The following ROBO2 variants were observed in gnomAD, a reference collection of about 807,000 sequenced individuals.
ROBO2 encodes roundabout guidance receptor 2.
A neutral mutation model predicts 160.8 loss-of-function variants in ROBO2; 53 were observed. The observed-to-expected ratio is 0.33, with a 90% CI of 0.26 to 0.41. The LOEUF is 0.41. ROBO2 is among the 10% of genes least tolerant of loss of function. ROBO2 has a pLI of 1.00. For synonymous variants in ROBO2, 664 were observed against 611.7 expected (o/e 1.09, Z -1.26); for missense variants, 1,577 against 1,722.4 (o/e 0.92, Z 1.49).
intron 2 of ROBO2, among the ~76,000 whole-genome samples, chr3:76,209,140 C>T (rs377179857): frequency 3.0e-4 from 45 of 152,318 alleles, no homozygotes; most frequent in African/African-American, 1.1e-3. Flanking sequence ...CATGGCAAGG[C>T]ATGTGATCTT....
At chr3:76,241,444 A>G (rs1040646762) in intron 2 of ROBO2, among the ~76,000 whole-genome samples, 1 of 152,256 alleles carries the variant, frequency 6.6e-6, no homozygotes, top group African/African-American at 2.4e-5. Context: ...AGCAGAGAAC[A>G]GAACGGAGGA....
chr3:76,674,777 C>T (rs1231143996), intron 2 of ROBO2, among the ~76,000 whole-genome samples: 1 of 152,162 alleles, frequency 6.6e-6, no homozygotes, highest in Non-Finnish European at 1.5e-5. Flanking sequence ...AGGGGCTTCT[C>T]CAAGGTGGGC....
intron 2 of ROBO2, among the ~76,000 whole-genome samples, chr3:75,995,010 T>C (rs1400772847): frequency 1.3e-5 from 2 of 152,166 alleles, no homozygotes; most frequent in Non-Finnish European, 2.9e-5. Flanking sequence ...ATTTCAGATA[T>C]CTGGCAGAAG....
chr3:76,214,834 C>T (rs753904960), intron 2 of ROBO2, among the ~76,000 whole-genome samples: 28 of 152,234 alleles, frequency 1.8e-4, no homozygotes, highest in Non-Finnish European at 2.8e-4. Context: ...CAGCACGCAG[C>T]TGGAGATCTG....
At chr3:76,757,452 T>C (rs2061039541) in intron 2 of ROBO2, among the ~76,000 whole-genome samples, 1 of 151,850 alleles carries the variant, frequency 6.6e-6, no homozygotes, top group Non-Finnish European at 1.5e-5. Context: ...TTTCGTGTGG[T>C]CACTAAGTAA....
At chr3:76,865,943 T>A (rs2071328521) in intron 2 of ROBO2, among the ~76,000 whole-genome samples, 1 of 152,094 alleles carries the variant, frequency 6.6e-6, no homozygotes, top group Admixed American at 6.5e-5. Flanking sequence ...AATTTAGACA[T>A]AAAAATCGAG....
intron 1 of ROBO2, among the ~76,000 whole-genome samples, chr3:77,088,074 C>G (rs1230596223): frequency 1.3e-5 from 2 of 151,938 alleles, no homozygotes; most frequent in Non-Finnish European, 2.9e-5. Flanking sequence ...TGTGGGCAGC[C>G]AGGAAATTGA....
chr3:77,577,373 C>T, intron 14 of ROBO2, 117 bp from the exon 16 acceptor site: 1 of 1,288,290 alleles, frequency 7.8e-7, no homozygotes, highest in Non-Finnish European at 1.1e-6. Context: ...CGTGTGCATT[C>T]AGAACTCCTG....
At chr3:77,156,951 T>A (rs1057093861) in intron 2 of ROBO2, among the ~76,000 whole-genome samples, 7 of 151,934 alleles carry the variant, frequency 4.6e-5, no homozygotes, top group Non-Finnish European at 1.0e-4. Flanking sequence ...TCAATATCAC[T>A]CGGGAACTTG....
chr3:77,175,378 GC>G (rs1403996148), intron 2 of ROBO2, among the ~76,000 whole-genome samples: 1 of 151,996 alleles, frequency 6.6e-6, no homozygotes, highest in Non-Finnish European at 1.5e-5. Flanking sequence ...TAGGGAAATA[GC>G]ATGAAATAGG....
intron 2 of ROBO2, among the ~76,000 whole-genome samples, chr3:76,873,082 G>T (rs571752573): frequency 6.6e-6 from 1 of 152,036 alleles, no homozygotes; most frequent in Non-Finnish European, 1.5e-5. Context: ...CTAAAAAATA[G>T]CCAGGAACTT....
chr3:77,237,853 C>T (rs2088312586), intron 2 of ROBO2, among the ~76,000 whole-genome samples: 2 of 152,144 alleles, frequency 1.3e-5, no homozygotes, highest in Admixed American at 1.3e-4. Context: ...TTATCTTCTC[C>T]CCAACAGTGA....
intron 2 of ROBO2, among the ~76,000 whole-genome samples, chr3:76,244,534 A>C (rs548650173): frequency 1.3e-5 from 2 of 152,002 alleles, no homozygotes; most frequent in Non-Finnish European, 2.9e-5. Context: ...AGTCCTGGGC[A>C]GTTCAGGCTT....
At chr3:76,984,098 T>A (rs6419721) in intron 2 of ROBO2, among the ~76,000 whole-genome samples, 4 of 152,170 alleles carry the variant, frequency 2.6e-5, no homozygotes, top group South Asian at 2.1e-4. Context: ...AAGAACAGCA[T>A]GGGGGAAACC....
At chr3:76,273,642 T>C (rs1707740470) in intron 2 of ROBO2, among the ~76,000 whole-genome samples, 1 of 152,036 alleles carries the variant, frequency 6.6e-6, no homozygotes, top group Non-Finnish European at 1.5e-5. Context: ...TCATGAGAAC[T>C]CACTCACGAT....
intron 2 of ROBO2, among the ~76,000 whole-genome samples, chr3:76,900,601 G>A (rs559679050): frequency 6.6e-6 from 1 of 152,308 alleles, no homozygotes; most frequent in South Asian, 2.1e-4. Context: ...AAGGGAAGCA[G>A]CCTGCCAGTT....
intron 2 of ROBO2, among the ~76,000 whole-genome samples, chr3:77,198,064 C>T (rs1443906864): frequency 6.6e-6 from 1 of 152,182 alleles, no homozygotes; most frequent in Non-Finnish European, 1.5e-5. Flanking sequence ...GTGCCTGACA[C>T]ATAGTAGGTG....
intron 2 of ROBO2, among the ~76,000 whole-genome samples, chr3:76,457,988 G>C (rs2077866703): frequency 6.6e-6 from 1 of 152,070 alleles, no homozygotes; most frequent in Admixed American, 6.5e-5. Context: ...TGGGCCTCCG[G>C]GCCTGTGATG....
chr3:76,986,203 T>A (rs1418807553), intron 2 of ROBO2, among the ~76,000 whole-genome samples: 4 of 152,210 alleles, frequency 2.6e-5, no homozygotes, highest in African/African-American at 7.2e-5. Flanking sequence ...TATTTAAATG[T>A]CTTGCTATAT....
Sources: allele counts gnomAD v4.1 joint callset (sites outside exome capture counted in the v4.1 genomes callset), GRCh38; gene constraint gnomAD v4.1.1; transcripts MANE v1.5; gene names NCBI Gene and HGNC (gene_info 2026-07-23, HGNC 2026-07-21).